CSMD1: variants seen among roughly 807,000 people sequenced by gnomAD.
The protein encoded by CSMD1 is CUB and Sushi multiple domains 1, also known as CUB and sushi domain-containing protein 1.
A neutral mutation model predicts 417.5 loss-of-function variants in CSMD1; 213 were observed. The ratio of observed to expected loss-of-function variants is 0.51; its 90% CI spans 0.46 to 0.57. The LOEUF (loss-of-function observed/expected upper bound fraction) is 0.57, where lower values mean the gene tolerates loss of function less well. Among genes scored for constraint, CSMD1 ranks in the 20% least tolerant of loss-of-function variants. The pLI, the probability that CSMD1 is intolerant of heterozygous loss-of-function variation, is 0.00. For synonymous variants in CSMD1, 2,862 were observed against 1,736.8 expected (o/e 1.65, Z -16.11); for missense variants, 6,923 against 4,529.7 (o/e 1.53, Z -15.17).
intron 2 of CSMD1, among the ~76,000 whole-genome samples, chr8:4,446,231 C>G (rs1351587334): frequency 6.6e-6 from 1 of 152,136 alleles, no homozygotes; most frequent in Non-Finnish European, 1.5e-5. Flanking sequence ...TTCTAGGATA[C>G]CTTTGGGACA....
At chr8:4,616,304 C>T (rs898072232) in intron 2 of CSMD1, among the ~76,000 whole-genome samples, 1 of 152,130 alleles carries the variant, frequency 6.6e-6, no homozygotes, top group African/African-American at 2.4e-5. Flanking sequence ...TGAATGTTTT[C>T]TTCAGGAAAA....
At chr8:4,958,295 T>A (rs1312609171) in intron 1 of CSMD1, among the ~76,000 whole-genome samples, 1 of 151,434 alleles carries the variant, frequency 6.6e-6, no homozygotes, top group Non-Finnish European at 1.5e-5. Context: ...GACACATCAA[T>A]TTTTTTTTAA....
intron 1 of CSMD1, among the ~76,000 whole-genome samples, chr8:4,875,268 T>C (rs1025893813): frequency 1.3e-5 from 2 of 152,028 alleles, no homozygotes; most frequent in African/African-American, 4.8e-5. Context: ...CCAAGTCCTC[T>C]GGTAATATAC....
chr8:3,684,350 C>A (rs1243511015), intron 7 of CSMD1, among the ~76,000 whole-genome samples: 1 of 143,368 alleles, frequency 7.0e-6, no homozygotes, highest in African/African-American at 2.6e-5. Flanking sequence ...ATAAAACATA[C>A]AAGCATGTTG....
intron 3 of CSMD1, among the ~76,000 whole-genome samples, chr8:4,040,093 G>C (rs1016225544): frequency 6.6e-6 from 1 of 152,174 alleles, no homozygotes; most frequent in Non-Finnish European, 1.5e-5. Flanking sequence ...AGTATACAGA[G>C]ATTTTAACAT....
chr8:3,963,145 T>G (rs1419693572), intron 5 of CSMD1, among the ~76,000 whole-genome samples: 1 of 152,172 alleles, frequency 6.6e-6, no homozygotes. Context: ...TTGGCTAGGC[T>G]TGACTCAAAC....
chr8:3,026,726 G>A (rs78605416), intron 51 of CSMD1, among the ~76,000 whole-genome samples: 2,344 of 152,304 alleles, frequency 0.015, 20 homozygotes, highest in East Asian at 0.036. Context: ...GGGCCGTAGC[G>A]AATCTGTGTT....
intron 7 of CSMD1, among the ~76,000 whole-genome samples, chr8:3,630,669 A>T (rs76393668): frequency 0.039 from 5,939 of 152,206 alleles, 166 homozygotes; most frequent in Middle Eastern, 0.12. Context: ...GCGTTCGAGA[A>T]AAAATGTGAG....
At chr8:3,272,503 T>C (rs999845701) in intron 26 of CSMD1, among the ~76,000 whole-genome samples, 21 of 147,172 alleles carry the variant, frequency 1.4e-4, no homozygotes, top group African/African-American at 5.3e-4. Context: ...TGGCATTGAA[T>C]CTGTAAATTA....
At position 2,985,107 on chromosome 8, in the gene CSMD1, C is replaced by T. The variant is rs146244134; in HGVS notation, c.8378-6307G>A. On this transcript the variant is annotated intron_variant, in intron 54 of 69. Coordinates refer to ENST00000635120, the MANE Select transcript of CSMD1 (RefSeq NM_033225.6). The stretch of plus-strand genomic sequence containing the variant: ...CTCAAAGCGACTCAAAATCAATATA[C>T]GTCCCAATATAAACTGTGACACAAT... 6.3e-3 allele frequency among the ~76,000 whole-genome samples: 965 copies of T among 152,226 alleles called. 11 individuals are homozygous for T. Among genetic ancestry groups the T allele is most frequent in the Middle Eastern group, 0.014 (4 of 294 alleles).
intron 3 of CSMD1, among the ~76,000 whole-genome samples, chr8:4,313,565 G>C (rs560393295): frequency 6.6e-6 from 1 of 151,376 alleles, no homozygotes; most frequent in Non-Finnish European, 1.5e-5. Context: ...TGTTATGGGA[G>C]GGAAAGAAGA....
chr8:3,976,020 A>T (rs1054645656), intron 5 of CSMD1, among the ~76,000 whole-genome samples: 13 of 152,148 alleles, frequency 8.5e-5, no homozygotes, highest in African/African-American at 3.1e-4. Flanking sequence ...TCCTGAAAAG[A>T]TCAATATATT....
At chr8:3,915,505 C>G (rs1268301699) in intron 5 of CSMD1, among the ~76,000 whole-genome samples, 2 of 150,452 alleles carry the variant, frequency 1.3e-5, no homozygotes, top group Admixed American at 6.6e-5. Context: ...TGAAACAGGA[C>G]ATTACTGGGC....
rs962883604 is a variant in CSMD1, at chr8:4,116,433, C to T, written c.416-84334G>A. ...AACGTAAGCTGTACACATCAGATGG[C>T]GACGTATGAGTGCAGGTGCCTGAAT... On this transcript the variant is annotated intron_variant, in intron 3 of 69. Transcript: ENST00000635120. 7.9e-5 allele frequency among the ~76,000 whole-genome samples: 12 copies of T among 151,650 alleles called. No homozygotes were observed. The East Asian group carries it at 1.6e-3, about 20-fold the overall frequency.
At chr8:4,985,361 G>C (rs1811120271) in intron 1 of CSMD1, among the ~76,000 whole-genome samples, 1 of 71,196 alleles carries the variant, frequency 1.4e-5, no homozygotes, top group African/African-American at 9.2e-5. Context: ...CATCTGCCCT[G>C]GAACTTAAAA....
At chr8:4,570,677 T>C (rs1405752635) in intron 2 of CSMD1, among the ~76,000 whole-genome samples, 4 of 152,194 alleles carry the variant, frequency 2.6e-5, no homozygotes, top group Non-Finnish European at 5.9e-5. Flanking sequence ...TAAGGAGGAT[T>C]CCCTCTTTTT....
rs563998317 is a variant in CSMD1 at position 4,048,031 on chromosome 8, CTAAAATGACA to C, written c.416-15942_416-15933del. ...ATGAGAGATCAAACCGTTTTGCCCA[CTAAAATGACA>C]TGTAGAATTCATTCTTTTCCAAATA... On this transcript the variant is annotated intron_variant, in intron 3 of 69. Coordinates refer to ENST00000635120, the MANE Select transcript of CSMD1 (RefSeq NM_033225.6). Among the ~76,000 whole-genome samples the C allele has an allele frequency of 2.3e-3, 346 of 152,242 alleles. 10 individuals carry two copies. Among genetic ancestry groups the C allele is most frequent in the Admixed American group, 0.017 (261 of 15,282 alleles).
At chr8:4,254,228 C>G (rs1228812083) in intron 3 of CSMD1, among the ~76,000 whole-genome samples, 1 of 152,052 alleles carries the variant, frequency 6.6e-6, no homozygotes, top group East Asian at 1.9e-4. Context: ...TTCCTTTTAT[C>G]TTTAGCTTTC....
intron 46 of CSMD1, among the ~76,000 whole-genome samples, chr8:3,097,491 C>T (rs973522416): frequency 6.6e-6 from 1 of 152,084 alleles, no homozygotes; most frequent in Non-Finnish European, 1.5e-5. Context: ...ATTCCAAGAG[C>T]CCTAGTGATG....
Sources: allele counts gnomAD v4.1 joint callset (sites outside exome capture counted in the v4.1 genomes callset), GRCh38; gene constraint gnomAD v4.1.1; transcripts MANE v1.5; gene names NCBI Gene and HGNC (gene_info 2026-07-23, HGNC 2026-07-21).